Variants in CCAR1 observed in about 807,000 individuals in gnomAD.
CCAR1 encodes cell division cycle and apoptosis regulator protein 1.
In CCAR1, 78 loss-of-function variants were observed where a neutral mutation model predicts 163.8. The observed-to-expected ratio is 0.48, with a 90% confidence interval of 0.40 to 0.57. CCAR1 has a LOEUF of 0.57. Ranked by LOEUF, CCAR1 falls within the 20% of genes least tolerant of loss-of-function variation. CCAR1 has a pLI of 0.00. For synonymous variants in CCAR1, 443 were observed against 460.7 expected, an observed-to-expected ratio of 0.96 and a Z score of 0.49; for missense variants, 1,019 against 1,365.2, an observed-to-expected ratio of 0.75 and a Z score of 4.00.
At chr10:68,776,278 G>T (rs1349170506) in intron 19 of CCAR1, among the ~76,000 whole-genome samples, 2 of 149,108 alleles carry the variant, frequency 1.3e-5, no homozygotes, top group Admixed American at 6.7e-5. Context: ...AAGAGATAGG[G>T]TTGGACTGGG....
rs2133367288 is a variant in CCAR1, at chr10:68,757,336, A to G, written c.1879A>G (p.Thr627Ala). 6.3e-7 allele frequency: 1 copy of G among 1,591,842 alleles called. No individual in the cohort carries two copies. The change falls in exon 15 of 25, where the codon ACA becomes GCA. Residue 627 changes from threonine to alanine, a missense_variant. Transcript: ENST00000265872. The part of the protein sequence containing the change: ...KDDGEAKEIS[T>A]PTHWSKLDPK... ...TGATGGTGAAGCTAAAGAAATTTCT[A>G]CACCTACCCATTGGTCTAAACTTGA...
chr10:68,740,953 A>T (rs2802088), intron 5 of CCAR1, among the ~76,000 whole-genome samples: 1 of 151,070 alleles, frequency 6.6e-6, no homozygotes, highest in African/African-American at 2.4e-5. Context: ...TCCCTCTGTT[A>T]CCCAGGCTGG....
intron 10 of CCAR1, among the ~76,000 whole-genome samples, chr10:68,753,172 T>A (rs924576529): frequency 9.2e-5 from 14 of 151,580 alleles, no homozygotes; most frequent in African/African-American, 3.4e-4. Context: ...TCAGTTCCTC[T>A]CTTTTAAAAG....
At chr10:68,725,285 G>A (rs1352525101) in intron 2 of CCAR1, among the ~76,000 whole-genome samples, 2 of 152,162 alleles carry the variant, frequency 1.3e-5, no homozygotes, top group East Asian at 3.9e-4. Context: ...CCAACACAGT[G>A]AAACCTCCTC....
chr10:68,731,877 C>T (rs896488120), intron 2 of CCAR1, among the ~76,000 whole-genome samples: 3 of 152,232 alleles, frequency 2.0e-5, no homozygotes, highest in South Asian at 2.1e-4. Context: ...AGGCATGAGC[C>T]GCAGTACCTA....
chr10:68,743,724 ATTTG>A (rs202225228), intron 6 of CCAR1, among the ~76,000 whole-genome samples: 8,083 of 47,040 alleles, frequency 0.17, 393 homozygotes, highest in East Asian at 0.5. Flanking sequence ...TGTATTATTT[ATTTG>A]TTTGTTTATT....
chr10:68,752,160 C>T (rs1049349009), intron 10 of CCAR1, among the ~76,000 whole-genome samples: 1 of 151,846 alleles, frequency 6.6e-6, no homozygotes, highest in East Asian at 2.0e-4. Context: ...CCTCATGATC[C>T]GCCCACCTCG....
At chr10:68,771,867 T>A (rs2056608260) in intron 18 of CCAR1, among the ~76,000 whole-genome samples, 1 of 150,398 alleles carries the variant, frequency 6.6e-6, no homozygotes, top group South Asian at 2.1e-4. Context: ...ATTCTTAAAA[T>A]TTTTTTTTCC....
intron 2 of CCAR1, chr10:68,735,837 G>A (rs1289834737): frequency 6.6e-6 from 1 of 152,358 alleles, no homozygotes; most frequent in Non-Finnish European, 1.5e-5. Context: ...TTGTGCTTAA[G>A]TGTTGTTTTT....
chr10:68,738,005 TG>T, intron 4 of CCAR1, 116 bp downstream of exon 4: 1 of 685,506 alleles, frequency 1.5e-6, no homozygotes. Context: ...ACAAATTTTT[TG>T]GGAGGGGCTA....
At chr10:68,737,482 A>G (rs1351912935) in intron 3 of CCAR1, among the ~76,000 whole-genome samples, 2 of 147,218 alleles carry the variant, frequency 1.4e-5, no homozygotes, top group Non-Finnish European at 1.5e-5. Flanking sequence ...TGGGAGGCAG[A>G]GCAAAACCCT....
chr10:68,755,286 GT>G (rs2056384464), intron 12 of CCAR1, 83 bp from the exon 13 acceptor site: 1 of 1,249,562 alleles, frequency 8.0e-7, no homozygotes, highest in Non-Finnish European at 1.2e-6. Flanking sequence ...TATTGGAAAG[GT>G]TTGTACCTTT....
rs902090539 is a variant in CCAR1 at position 68,786,771 on chromosome 10, G to T, written c.2880+79G>T. On this transcript the variant is annotated intron_variant, in intron 21 of 24. Coordinates refer to ENST00000265872, the MANE Select transcript of CCAR1 (RefSeq NM_018237.4). The stretch of plus-strand genomic sequence containing the variant: ...CCAGTGAAAAGTTAATAGAACCTCT[G>T]TTGACTTTTTGATATATTAAAGCAA... The T allele has an allele frequency of 2.1e-4, 271 of 1,279,182 alleles. 2 individuals are homozygous for T. In the South Asian group the frequency reaches 3.4e-3, roughly 16 times the overall value. 79.2% of individuals were successfully genotyped at this position (1,279,182 alleles called of 1,614,324 possible).
chr10:68,762,516 A>G (rs2056486045), intron 16 of CCAR1, among the ~76,000 whole-genome samples: 1 of 152,198 alleles, frequency 6.6e-6, no homozygotes, highest in Non-Finnish European at 1.5e-5. Flanking sequence ...TATGTCCAAT[A>G]GAATAACTCC....
chr10:68,782,685 GC>G (rs1249485009), intron 19 of CCAR1, among the ~76,000 whole-genome samples: 1 of 152,030 alleles, frequency 6.6e-6, no homozygotes, highest in Non-Finnish European at 1.5e-5. Context: ...AAAATCTTAA[GC>G]CCCTTAAAAA....
At chr10:68,750,530 G>T (rs911703604) in intron 10 of CCAR1, among the ~76,000 whole-genome samples, 2 of 152,100 alleles carry the variant, frequency 1.3e-5, no homozygotes, top group African/African-American at 4.8e-5. Context: ...TGGCCAAGTT[G>T]CCAGGAATTT....
Position 68,747,145 on chromosome 10 carries a change from C to CTTT in CCAR1, c.519-7_519-5dup, listed in dbSNP as rs71474438. 22 of 1,089,052 alleles carry CTTT rather than the reference C, an allele frequency of 2.0e-5. No individual in the cohort carries two copies. The highest frequency in any genetic ancestry group is 6.7e-5 in the South Asian group (4 of 59,760). 67.5% of individuals were successfully genotyped at this position (1,089,052 alleles called of 1,614,324 possible). A position where few individuals can be genotyped will look rare whatever the true frequency, so the allele number is the denominator to read the frequency against. On this transcript the variant is annotated splice_polypyrimidine_tract_variant and intron_variant, in intron 6 of 24. Transcript: ENST00000265872. ...TGTATTTATATTTAACTTTTTTTTT[C>CTTT]TTTTTTTTTTTACAGTGCTGTCAAA...
chr10:68,740,290 AG>A (rs1376790840), intron 4 of CCAR1, among the ~76,000 whole-genome samples: 2 of 152,222 alleles, frequency 1.3e-5, no homozygotes, highest in Non-Finnish European at 2.9e-5. Flanking sequence ...TCATTGAATG[AG>A]TTACTTACAT....
At chr10:68,785,159 C>G (rs1226248721) in intron 19 of CCAR1, among the ~76,000 whole-genome samples, 1 of 151,588 alleles carries the variant, frequency 6.6e-6, no homozygotes, top group South Asian at 2.1e-4. Context: ...CCTCGTGATC[C>G]GCCCACCTCG....
Sources: allele counts gnomAD v4.1 joint callset (sites outside exome capture counted in the v4.1 genomes callset), GRCh38; gene constraint gnomAD v4.1.1; transcripts MANE v1.5; gene names NCBI Gene and HGNC (gene_info 2026-07-23, HGNC 2026-07-21).